The following EIF2B3 variants were observed in gnomAD, a reference collection of about 807,000 sequenced individuals.
The protein encoded by EIF2B3 is eukaryotic translation initiation factor 2B subunit gamma.
In EIF2B3, 20 loss-of-function variants were observed where a neutral mutation model predicts 54.1. That is an observed-to-expected ratio of 0.37 (90% CI 0.26 to 0.54). The LOEUF is 0.54. Among genes scored for constraint, EIF2B3 ranks in the 20% least tolerant of loss-of-function variants. EIF2B3 has a pLI of 0.86. For synonymous variants in EIF2B3, 153 were observed against 188.1 expected, an observed-to-expected ratio of 0.81 and a Z score of 1.52; for missense variants, 448 against 547.8, an observed-to-expected ratio of 0.82 and a Z score of 1.82.
chr1:44,880,645 C>T (rs1655360606), intron 7 of EIF2B3, among the ~76,000 whole-genome samples: 1 of 152,142 alleles, frequency 6.6e-6, no homozygotes, highest in Admixed American at 6.6e-5. Flanking sequence ...AACTGGGGCT[C>T]AGAGGACTGA....
rs141322483 is a variant in EIF2B3, at chr1:44,875,546, C to T, written c.1053+72G>A. On this transcript the variant is annotated intron_variant, in intron 9 of 11. Coordinates refer to ENST00000360403, the MANE Select transcript of EIF2B3 (RefSeq NM_020365.5). The stretch of plus-strand genomic sequence containing the variant: ...GGTTCAGGACTTAAAGGCCTCAATC[C>T]GGCTTCTCAAAAACAAGTCTCGATG... 4.1e-4 allele frequency: 600 copies of T among 1,458,028 alleles called. No individual in the cohort carries two copies. The Middle Eastern group carries it at 4.9e-3, about 12-fold the overall frequency. 90.3% of individuals were successfully genotyped at this position (1,458,028 alleles called of 1,614,324 possible).
intron 6 of EIF2B3, among the ~76,000 whole-genome samples, chr1:44,891,010 C>T (rs1569635163): frequency 1.3e-5 from 2 of 152,258 alleles, no homozygotes; most frequent in South Asian, 4.1e-4. Context: ...GATTCCTGTA[C>T]CTGCTTTTAA....
At position 44,980,917 on chromosome 1, in the gene EIF2B3, A is replaced by G. The variant is rs565800020; in HGVS notation, c.148+104T>C. The G allele has an allele frequency of 5.5e-5, 79 of 1,431,974 alleles. No individual in the cohort carries two copies. In the African/African-American group the frequency reaches 5.9e-4, roughly 11 times the overall value. The allele number at this position is 1,431,974 out of a possible 1,614,324, so 88.7% of individuals were successfully genotyped here. ...CCTTAAAGAAGGCAGTCTTCAGCCA[A>G]CGAGTTCTAGTCACCCTCTCTCATT... On this transcript the variant is annotated intron_variant, in intron 2 of 11. Transcript: ENST00000360403.
At position 44,851,003 on chromosome 1, in the gene EIF2B3, G is replaced by A. The variant is rs754821944; in HGVS notation, c.1307C>T (p.Ala436Val). 8 of 1,613,654 alleles carry A rather than the reference G, an allele frequency of 5.0e-6. No individual in the cohort carries two copies. Among genetic ancestry groups the A allele is most frequent in the South Asian group, 1.1e-5 (1 of 91,084 alleles). Residue 436 changes from alanine to valine, a missense_variant and splice_region_variant, in exon 12 of 12, where the codon GCT (alanine) becomes GTT (valine). Transcript: ENST00000360403. ...CACGATCACCTCATTCACTCGTTTA[G>A]CTACAAAAGAAAAGGAAAAAAGTTT... ...IGSGQRIEAKAKRVNEVIVGN... is the reference protein window; with the variant it reads ...IGSGQRIEAKVKRVNEVIVGN...
chr1:44,966,567 G>A (rs1012355991), intron 3 of EIF2B3, among the ~76,000 whole-genome samples: 2 of 151,952 alleles, frequency 1.3e-5, no homozygotes, highest in Non-Finnish European at 2.9e-5. Context: ...ATAAAACGGC[G>A]ATAAAGGAAC....
At chr1:44,888,781 G>C (rs1114390) in intron 6 of EIF2B3, among the ~76,000 whole-genome samples, 1 of 151,996 alleles carries the variant, frequency 6.6e-6, no homozygotes, top group Non-Finnish European at 1.5e-5. Context: ...GTCTCCATCT[G>C]GTTTTATGTC....
At chr1:44,891,425 C>A (rs894581288) in intron 6 of EIF2B3, among the ~76,000 whole-genome samples, 1 of 152,224 alleles carries the variant, frequency 6.6e-6, no homozygotes. Context: ...CCGCACCCAG[C>A]TGACAGAATA....
chr1:44,891,477 C>T (rs1243708163), intron 6 of EIF2B3, among the ~76,000 whole-genome samples: 2 of 152,160 alleles, frequency 1.3e-5, no homozygotes, highest in African/African-American at 4.8e-5. Flanking sequence ...TTCCTTCAAT[C>T]CATCCTCTAT....
chr1:44,973,442 CA>C (rs1432136080), intron 3 of EIF2B3, among the ~76,000 whole-genome samples: 3 of 152,072 alleles, frequency 2.0e-5, no homozygotes, highest in African/African-American at 4.8e-5. Context: ...AAGCCAATCA[CA>C]AAAAATAAAT....
At chr1:44,885,376 A>C (rs1293497549) in intron 6 of EIF2B3, among the ~76,000 whole-genome samples, 1 of 152,236 alleles carries the variant, frequency 6.6e-6, no homozygotes, top group African/African-American at 2.4e-5. Context: ...TTTCTCCTCC[A>C]ACTAAATTAA....
At chr1:44,851,146 C>A in intron 11 of EIF2B3, 143 bp from the exon 12 acceptor site, 3 of 754,372 alleles carry the variant, frequency 4.0e-6, no homozygotes, top group East Asian at 5.6e-5. Context: ...CTTACTGCAA[C>A]CTCCATCTCC....
At chr1:44,887,601 T>C (rs1655636139) in intron 6 of EIF2B3, among the ~76,000 whole-genome samples, 2 of 152,364 alleles carry the variant, frequency 1.3e-5, no homozygotes, top group Admixed American at 1.3e-4. Context: ...GGATGCTTAC[T>C]GATATGCAGA....
chr1:44,984,151 G>A (rs1221122663), intron 1 of EIF2B3, among the ~76,000 whole-genome samples: 1 of 152,040 alleles, frequency 6.6e-6, no homozygotes, highest in Non-Finnish European at 1.5e-5. Flanking sequence ...TCGCACTTCA[G>A]CCTGGGCGAC....
chr1:44,879,693 C>G lies in EIF2B3; in HGVS notation c.975+125G>C, dbSNP rs947129345. On this transcript the variant is annotated intron_variant, in intron 8 of 11. Coordinates refer to ENST00000360403, the MANE Select transcript of EIF2B3 (RefSeq NM_020365.5). Reference sequence around the variant, plus strand: ...AGTAGTCTCCCTTGACGTGCCAGGTCTTGCTCAACCTTGGGAATGACAGGG... The same window carrying G: ...AGTAGTCTCCCTTGACGTGCCAGGTGTTGCTCAACCTTGGGAATGACAGGG... 46 of 1,135,248 alleles carry G rather than the reference C, an allele frequency of 4.1e-5. No homozygotes were observed. The African/African-American group carries it at 6.1e-4, about 15-fold the overall frequency. 70.3% of individuals were successfully genotyped at this position (1,135,248 alleles called of 1,614,324 possible).
intron 11 of EIF2B3, among the ~76,000 whole-genome samples, chr1:44,852,035 G>A (rs1021909320): frequency 8.0e-5 from 12 of 150,212 alleles, no homozygotes; most frequent in African/African-American, 2.2e-4. Flanking sequence ...TGCAACCTCC[G>A]CCTCCTGGGT....
At chr1:44,917,504 A>G (rs967014659) in intron 5 of EIF2B3, among the ~76,000 whole-genome samples, 3 of 151,668 alleles carry the variant, frequency 2.0e-5, no homozygotes, top group African/African-American at 7.3e-5. Flanking sequence ...CAAAAAAAAA[A>G]AAAAGAAAAA....
intron 5 of EIF2B3, among the ~76,000 whole-genome samples, chr1:44,915,817 G>A (rs896371422): frequency 1.3e-5 from 2 of 151,534 alleles, no homozygotes; most frequent in Middle Eastern, 3.4e-3. Flanking sequence ...TTTAACAAAA[G>A]AAAAAAGAAA....
intron 5 of EIF2B3, among the ~76,000 whole-genome samples, chr1:44,924,259 A>G (rs2148930859): frequency 6.6e-6 from 1 of 151,204 alleles, no homozygotes; most frequent in Non-Finnish European, 1.5e-5. Flanking sequence ...AATTTCTTAA[A>G]CGATTTTCTT....
chr1:44,867,894 G>T (rs1046350868), intron 10 of EIF2B3, among the ~76,000 whole-genome samples: 20 of 147,692 alleles, frequency 1.4e-4, no homozygotes, highest in Admixed American at 6.9e-4. Context: ...AAAAAAATTT[G>T]CCGTGTAGTG....
Sources: allele counts gnomAD v4.1 joint callset (sites outside exome capture counted in the v4.1 genomes callset), GRCh38; gene constraint gnomAD v4.1.1; transcripts MANE v1.5; gene names NCBI Gene and HGNC (gene_info 2026-07-23, HGNC 2026-07-21).